Variants in LEF1 observed in about 807,000 individuals in gnomAD.
The protein encoded by LEF1 is lymphoid enhancer binding factor 1.
A neutral mutation model predicts 51.2 loss-of-function variants in LEF1; 14 were observed. The ratio of observed to expected loss-of-function variants is 0.27; its 90% CI spans 0.18 to 0.43. The LOEUF is 0.43. Ranked by LOEUF, LEF1 falls within the 20% of genes least tolerant of loss-of-function variation. The probability of loss-of-function intolerance (pLI) is 1.00; values close to 1 mark genes in which losing one functional copy is unlikely to be tolerated. For missense variants in LEF1, 386 were observed against 512.0 expected (o/e 0.75, Z 2.37); for synonymous variants, 185 against 183.2 (o/e 1.01, Z -0.08).
chr4:108,066,783 T>C (rs1738112556), intron 9 of LEF1, among the ~76,000 whole-genome samples: 1 of 152,194 alleles, frequency 6.6e-6, no homozygotes, highest in Non-Finnish European at 1.5e-5. Flanking sequence ...ACGGACTGTA[T>C]AATATTGGAA....
At chr4:108,052,549 G>C (rs978284185) in intron 11 of LEF1, among the ~76,000 whole-genome samples, 1 of 152,192 alleles carries the variant, frequency 6.6e-6, no homozygotes, top group Non-Finnish European at 1.5e-5. Flanking sequence ...AAAAGCCTGT[G>C]ATTTGAGGGT....
chr4:108,157,177 T>TACACACACACACAC (rs1326345518), intron 3 of LEF1, among the ~76,000 whole-genome samples: 2,505 of 88,988 alleles, frequency 0.028, 40 homozygotes, highest in Middle Eastern at 0.036. Context: ...TCTATATATA[T>TACACACACACACAC]ATACACACAC....
chr4:108,135,168 C>T (rs895423803), intron 3 of LEF1, among the ~76,000 whole-genome samples: 9 of 152,116 alleles, frequency 5.9e-5, no homozygotes, highest in Non-Finnish European at 8.8e-5. Flanking sequence ...GGTGTCAAGA[C>T]GCTATTAAGA....
At position 108,072,922 on chromosome 4, in the gene LEF1, GTTGTTT is replaced by G. The variant is rs1376758447; in HGVS notation, c.1009-2158_1009-2153del. 7.9e-5 allele frequency: 12 copies of G among 152,428 alleles called. No homozygotes were observed. In the East Asian group the frequency reaches 2.3e-3, roughly 29 times the overall value. The allele number at this position is 152,428 out of a possible 1,614,324, so 9.4% of individuals were successfully genotyped here. A position where few individuals can be genotyped will look rare whatever the true frequency, so the allele number is the denominator to read the frequency against. On this transcript the variant is annotated intron_variant, in intron 8 of 11. Transcript: ENST00000265165. The stretch of plus-strand genomic sequence containing the variant: ...GTTTTTTGTTGTTGTTGTTGTTGTT[GTTGTTT>G]TTAAGAGACAGGGTTTCGCTGTGTT...
At chr4:108,099,568 GTGTATATATATATATA>G (rs1251520950) in intron 3 of LEF1, among the ~76,000 whole-genome samples, 3 of 48,178 alleles carry the variant, frequency 6.2e-5, no homozygotes, top group Non-Finnish European at 1.3e-4. Context: ...GTGTGTGTGT[GTGTATATATATATATA>G]TATATATATA....
At chr4:108,102,789 T>C (rs1455337995) in intron 3 of LEF1, among the ~76,000 whole-genome samples, 2 of 152,172 alleles carry the variant, frequency 1.3e-5, no homozygotes, top group Admixed American at 6.5e-5. Flanking sequence ...GGCAGTGTGG[T>C]ATAGCTATGA....
In LEF1 at chr4:108,069,608, A is replaced by G. The variant is rs537191905; in HGVS notation, c.1116+1055T>C. ...AAACAGTCACCTGAATACACTGTTT[A>G]TAAGAAGTGTAAAATAATACAGTCC... is the stretch of plus-strand genomic sequence containing the variant. On this transcript the variant is annotated intron_variant, in intron 9 of 11. Coordinates refer to ENST00000265165, the MANE Select transcript of LEF1 (RefSeq NM_016269.5). Among the ~76,000 whole-genome samples the G allele has an allele frequency of 2.0e-4, 31 of 152,338 alleles. No individual in the cohort carries two copies. In the South Asian group the frequency reaches 6.4e-3, roughly 32 times the overall value.
At chr4:108,076,818 C>G (rs1046321577) in intron 8 of LEF1, among the ~76,000 whole-genome samples, 12 of 151,550 alleles carry the variant, frequency 7.9e-5, no homozygotes, top group Non-Finnish European at 1.6e-4. Flanking sequence ...GTCTGGAGTT[C>G]AAGATCAACC....
intron 1 of LEF1, among the ~76,000 whole-genome samples, chr4:108,165,447 ACTG>A (rs1745326264): frequency 6.6e-6 from 1 of 152,206 alleles, no homozygotes; most frequent in Admixed American, 6.5e-5. Flanking sequence ...TGCTGTTCTG[ACTG>A]CTGTTTATTA....
At chr4:108,165,034 C>A in intron 2 of LEF1, 63 bp downstream of exon 2, 1 of 1,421,816 alleles carries the variant, frequency 7.0e-7, no homozygotes, top group Non-Finnish European at 9.9e-7. Context: ...ACAAAACACA[C>A]CTATTTATAC....
intron 3 of LEF1, among the ~76,000 whole-genome samples, chr4:108,099,492 A>G (rs1274313127): frequency 6.7e-6 from 1 of 148,866 alleles, no homozygotes; most frequent in Non-Finnish European, 1.5e-5. Flanking sequence ...AAGTCTATAC[A>G]CATGTATGTA....
intron 3 of LEF1, among the ~76,000 whole-genome samples, chr4:108,135,679 G>A (rs536808424): frequency 6.6e-6 from 1 of 152,292 alleles, no homozygotes; most frequent in African/African-American, 2.4e-5. Flanking sequence ...GGAACTGGGG[G>A]TAAGGAAGCT....
intron 3 of LEF1, among the ~76,000 whole-genome samples, chr4:108,099,434 C>G (rs1740600564): frequency 1.3e-5 from 2 of 150,334 alleles, no homozygotes; most frequent in South Asian, 4.2e-4. Flanking sequence ...AGGTAAGTGG[C>G]AGAGCTGGTA....
chr4:108,099,592 A>G (rs868698216), intron 3 of LEF1, among the ~76,000 whole-genome samples: 2,878 of 123,796 alleles, frequency 0.023, 218 homozygotes, highest in African/African-American at 0.028. Context: ...ATATATATAT[A>G]TATATATATA....
At chr4:108,147,754 T>C (rs1475717230) in intron 3 of LEF1, among the ~76,000 whole-genome samples, 1 of 152,208 alleles carries the variant, frequency 6.6e-6, no homozygotes, top group East Asian at 1.9e-4. Flanking sequence ...AAACAGTCAT[T>C]TCCTACTCTT....
rs182794645 is a variant in LEF1, at chr4:108,127,962, T to C, written c.414+35606A>G. Among the ~76,000 whole-genome samples, 367 of 152,312 alleles carry C rather than the reference T, an allele frequency of 2.4e-3. 3 individuals are homozygous for C. The highest frequency in any genetic ancestry group is 5.8e-3 in the South Asian group (28 of 4,824). ...TCCTGACCATTTCAGCCCTACAGGC[T>C]CTACTTCCTTAACTCTCCAACCACT... On this transcript the variant is annotated intron_variant, in intron 3 of 11. Transcript: ENST00000265165.
intron 3 of LEF1, among the ~76,000 whole-genome samples, chr4:108,111,083 C>G (rs1234534116): frequency 1.3e-5 from 2 of 152,038 alleles, no homozygotes; most frequent in Non-Finnish European, 2.9e-5. Flanking sequence ...AATAACTACC[C>G]CCAATATTTC....
chr4:108,123,623 G>GA (rs1742325212), intron 3 of LEF1, among the ~76,000 whole-genome samples: 1 of 151,794 alleles, frequency 6.6e-6, no homozygotes, highest in African/African-American at 2.4e-5. Context: ...ATATTTTGGG[G>GA]AAAAAACTTT....
chr4:108,141,369 T>C (rs1444040242), intron 3 of LEF1, among the ~76,000 whole-genome samples: 3 of 152,064 alleles, frequency 2.0e-5, no homozygotes, highest in Admixed American at 1.3e-4. Flanking sequence ...CCAGTATTTG[T>C]CATTGTGCCT....
Sources: allele counts gnomAD v4.1 joint callset (sites outside exome capture counted in the v4.1 genomes callset), GRCh38; gene constraint gnomAD v4.1.1; transcripts MANE v1.5; gene names NCBI Gene and HGNC (gene_info 2026-07-23, HGNC 2026-07-21).